DHX35: variants seen among roughly 807,000 people sequenced by gnomAD.
The protein encoded by DHX35 is DEAH-box helicase 35, also known as probable ATP-dependent RNA helicase DHX35.
In DHX35, 84 loss-of-function variants were observed where a neutral mutation model predicts 99.6. The ratio of observed to expected loss-of-function variants is 0.84; its 90% confidence interval spans 0.71 to 1.01. The LOEUF is 1.01. DHX35 is among the 50% of genes least tolerant of loss of function. The pLI, the probability that DHX35 is intolerant of heterozygous loss-of-function variation, is 0.00. For missense variants in DHX35, 852 were observed against 888.5 expected (o/e 0.96, Z 0.52); for synonymous variants, 331 against 316.2 (o/e 1.05, Z -0.50).
At chr20:38,995,091 A>G (rs142809104) in intron 8 of DHX35, among the ~76,000 whole-genome samples, 5 of 152,310 alleles carry the variant, frequency 3.3e-5, no homozygotes, top group East Asian at 1.9e-4. Flanking sequence ...ATAATTACCT[A>G]CCTGTCTTGT....
intron 15 of DHX35, among the ~76,000 whole-genome samples, chr20:39,021,504 T>C (rs1326010189): frequency 6.6e-6 from 1 of 152,218 alleles, no homozygotes; most frequent in Non-Finnish European, 1.5e-5. Flanking sequence ...TTTTTTGTTT[T>C]TATTTTTCTG....
intron 18 of DHX35, among the ~76,000 whole-genome samples, chr20:39,025,740 A>G (rs1486412761): frequency 6.6e-6 from 1 of 152,260 alleles, no homozygotes; most frequent in Non-Finnish European, 1.5e-5. Context: ...ATTCAAAGAC[A>G]AGTATTATTA....
chr20:38,968,133 C>T (rs1279379410), intron 1 of DHX35, among the ~76,000 whole-genome samples: 4 of 152,164 alleles, frequency 2.6e-5, no homozygotes, highest in African/African-American at 9.7e-5. Context: ...TAGAGTGGTA[C>T]GTGACATGGA....
chr20:38,989,456 A>G (rs1390421373), intron 5 of DHX35, among the ~76,000 whole-genome samples: 1 of 151,940 alleles, frequency 6.6e-6, no homozygotes, highest in African/African-American at 2.4e-5. Flanking sequence ...TATCCCAGAA[A>G]GGAGCTTGGA....
intron 1 of DHX35, among the ~76,000 whole-genome samples, chr20:38,965,199 T>C (rs1226121737): frequency 6.6e-6 from 1 of 152,244 alleles, no homozygotes; most frequent in Non-Finnish European, 1.5e-5. Context: ...GGAATAGCTT[T>C]AGTACACAGT....
chr20:38,983,624 T>C, intron 3 of DHX35, 75 bp from the exon 4 acceptor site: 1 of 1,222,506 alleles, frequency 8.2e-7, no homozygotes, highest in Non-Finnish European at 1.2e-6. Context: ...TTTAACACAA[T>C]ACGGGAGCAT....
intron 3 of DHX35, among the ~76,000 whole-genome samples, chr20:38,981,259 T>C (rs2086167453): frequency 6.6e-6 from 1 of 152,224 alleles, no homozygotes; most frequent in African/African-American, 2.4e-5. Context: ...CTAAGTTTAG[T>C]ATCCCCCTCA....
At chr20:39,015,097 A>T (rs45526137) in intron 14 of DHX35, among the ~76,000 whole-genome samples, 163 bp downstream of exon 14, 3,413 of 152,280 alleles carry the variant, frequency 0.022, 59 homozygotes, top group South Asian at 0.047. Flanking sequence ...GGAAGTTGGG[A>T]CCATAATTAG....
At chr20:39,035,710 C>T (rs1405697777) in intron 21 of DHX35, among the ~76,000 whole-genome samples, 1 of 152,166 alleles carries the variant, frequency 6.6e-6, no homozygotes, top group East Asian at 1.9e-4. Flanking sequence ...GCCGTAGTCC[C>T]ATGTCACTTG....
chr20:39,034,160 T>G lies in DHX35; in HGVS notation c.1956-46T>G, dbSNP rs758503289. On this transcript the variant is annotated intron_variant, in intron 20 of 21. Transcript: ENST00000252011. The stretch of plus-strand genomic sequence containing the variant: ...CATGTCTACCTGTGGTTCCTGACTG[T>G]CATCACAAGAGGGGGAAATTAGCTC... 9 of 1,418,624 alleles carry G rather than the reference T, an allele frequency of 6.3e-6. No homozygotes were observed. In the Admixed American group the frequency reaches 1.5e-4, roughly 24 times the overall value. The allele number at this position is 1,418,624 out of a possible 1,614,324, so 87.9% of individuals were successfully genotyped here.
intron 3 of DHX35, among the ~76,000 whole-genome samples, chr20:38,981,217 A>G (rs1449921979): frequency 2.6e-5 from 4 of 152,174 alleles, no homozygotes; most frequent in Non-Finnish European, 1.5e-5. Context: ...TTCACACTGC[A>G]AATAGTCTAC....
Position 38,962,364 on chromosome 20 carries a change from C to T in DHX35, c.-4C>T. ...GAGCTAGCCTCGTGACCTTTTACCC[C>T]AACATGGCTGCGCCCGTGGGACCGG... On this transcript the variant is annotated 5_prime_UTR_variant, in exon 1 of 22. Coordinates refer to ENST00000252011, the MANE Select transcript of DHX35 (RefSeq NM_021931.4). 6.2e-7 allele frequency: 1 copy of T among 1,612,456 alleles called. No homozygotes were observed. The highest frequency in any genetic ancestry group is 8.5e-7 in the Non-Finnish European group (1 of 1,179,188).
intron 5 of DHX35, among the ~76,000 whole-genome samples, chr20:38,989,265 G>GTTTT (rs59991063): frequency 2.7e-5 from 3 of 111,878 alleles, no homozygotes; most frequent in East Asian, 2.6e-4. Flanking sequence ...ACCCGGCTAA[G>GTTTT]TTTTTTTTTT....
chr20:38,987,478 A>T (rs914474610), intron 4 of DHX35, among the ~76,000 whole-genome samples: 1 of 152,130 alleles, frequency 6.6e-6, no homozygotes, highest in Non-Finnish European at 1.5e-5. Context: ...TCCTGACCTC[A>T]GGTGATTTGC....
At chr20:39,033,916 G>A (rs535995385) in intron 20 of DHX35, among the ~76,000 whole-genome samples, 1 of 152,316 alleles carries the variant, frequency 6.6e-6, no homozygotes, top group African/African-American at 2.4e-5. Flanking sequence ...ATTAGGCTCA[G>A]TTCAGAGTTC....
intron 5 of DHX35, among the ~76,000 whole-genome samples, chr20:38,989,550 C>T (rs1348530703): frequency 6.6e-6 from 1 of 152,020 alleles, no homozygotes; most frequent in Non-Finnish European, 1.5e-5. Context: ...ATATGCCAAT[C>T]AGTGATAGGA....
intron 21 of DHX35, among the ~76,000 whole-genome samples, chr20:39,036,726 C>CCAAAAAA (rs1568767834): frequency 9.7e-5 from 5 of 51,664 alleles, no homozygotes; most frequent in African/African-American, 4.0e-4. Context: ...ACTGTCCCCC[C>CCAAAAAA]AAAAAAAAAA....
intron 8 of DHX35, among the ~76,000 whole-genome samples, chr20:38,999,069 C>T (rs747430412): frequency 1.2e-3 from 176 of 152,200 alleles, no homozygotes; most frequent in Non-Finnish European, 1.9e-3. Flanking sequence ...AAAGTGCCAC[C>T]GCATGAGCCA....
intron 15 of DHX35, among the ~76,000 whole-genome samples, chr20:39,019,767 G>C (rs943608747): frequency 6.6e-6 from 1 of 151,980 alleles, no homozygotes; most frequent in Non-Finnish European, 1.5e-5. Flanking sequence ...TGAAATATAC[G>C]ATACATTATT....
Sources: allele counts gnomAD v4.1 joint callset (sites outside exome capture counted in the v4.1 genomes callset), GRCh38; gene constraint gnomAD v4.1.1; transcripts MANE v1.5; gene names NCBI Gene and HGNC (gene_info 2026-07-23, HGNC 2026-07-21).